Variants in AMPH observed in about 807,000 individuals in gnomAD.
AMPH encodes amphiphysin (Stiff-Mann syndrome with breast cancer 128kD autoantigen).
AMPH carries 49 observed loss-of-function variants against 99.1 expected under a neutral mutation model. The observed-to-expected ratio is 0.49, with a 90% confidence interval of 0.39 to 0.63. The LOEUF (loss-of-function observed/expected upper bound fraction) is 0.63, where lower values mean the gene tolerates loss of function less well. Ranked by LOEUF, AMPH falls within the 20% of genes least tolerant of loss-of-function variation. The pLI is 0.00. For synonymous variants in AMPH, 314 were observed against 317.3 expected, an observed-to-expected ratio of 0.99 and a Z score of 0.11; for missense variants, 759 against 863.4, an observed-to-expected ratio of 0.88 and a Z score of 1.52.
At chr7:38,474,625 G>A (rs932343297) in intron 7 of AMPH, among the ~76,000 whole-genome samples, 3 of 152,110 alleles carry the variant, frequency 2.0e-5, no homozygotes, top group South Asian at 2.1e-4. Flanking sequence ...TTAAAATAAC[G>A]TGGCATTATT....
intron 3 of AMPH, among the ~76,000 whole-genome samples, chr7:38,498,109 T>A (rs1000770967): frequency 2.2e-4 from 33 of 152,134 alleles, no homozygotes; most frequent in Admixed American, 2.1e-3. Flanking sequence ...CTGCTTCAAC[T>A]CCTTTTCTCA....
rs112640711 is a variant in AMPH at position 38,613,755 on chromosome 7, C to T, written c.69+17528G>A. Among the ~76,000 whole-genome samples, 156 of 149,790 alleles carry T rather than the reference C, an allele frequency of 1.0e-3. 2 individuals are homozygous for T. The highest frequency in any genetic ancestry group is 3.7e-3 in the African/African-American group (152 of 40,542). The stretch of plus-strand genomic sequence containing the variant: ...TTCACAAAAAAATGGCAATTTCAAA[C>T]GGTTCAAAGTAAACCTTAGGACAGA... On this transcript the variant is annotated intron_variant, in intron 1 of 20. Coordinates refer to ENST00000356264, the MANE Select transcript of AMPH (RefSeq NM_001635.4).
At chr7:38,407,911 G>A (rs1785098279) in intron 17 of AMPH, among the ~76,000 whole-genome samples, 1 of 152,076 alleles carries the variant, frequency 6.6e-6, no homozygotes, top group Non-Finnish European at 1.5e-5. Flanking sequence ...TGACAGTTTT[G>A]ATATATGCAC....
At chr7:38,523,619 G>T (rs948998286) in intron 2 of AMPH, among the ~76,000 whole-genome samples, 18 of 152,220 alleles carry the variant, frequency 1.2e-4, no homozygotes, top group Admixed American at 3.3e-4. Context: ...AGTACATGCT[G>T]ATATAATTAA....
At position 38,429,936 on chromosome 7, in the gene AMPH, T is replaced by G. The variant is rs78058422; in HGVS notation, c.1159-71A>C. 1,111 of 1,406,222 alleles carry G rather than the reference T, an allele frequency of 7.9e-4. 4 individuals carry two copies. The African/African-American group carries it at 0.014, about 17-fold the overall frequency. The allele number at this position is 1,406,222 out of a possible 1,614,324, so 87.1% of individuals were successfully genotyped here. On this transcript the variant is annotated intron_variant, in intron 13 of 20. Transcript: ENST00000356264. Reference sequence around the variant, plus strand: ...TCACTAACACAATAAAATCCTATGCTGTCTAGAGTCAACATTCTGCTGAAG... The same window carrying G: ...TCACTAACACAATAAAATCCTATGCGGTCTAGAGTCAACATTCTGCTGAAG...
chr7:38,600,844 G>T (rs1243841409), intron 1 of AMPH, among the ~76,000 whole-genome samples: 2 of 152,138 alleles, frequency 1.3e-5, no homozygotes, highest in East Asian at 1.9e-4. Flanking sequence ...TTGTTATAAG[G>T]TAATTTGCAT....
chr7:38,484,394 T>A (rs903231729), intron 5 of AMPH, among the ~76,000 whole-genome samples: 3 of 152,124 alleles, frequency 2.0e-5, no homozygotes, highest in African/African-American at 7.2e-5. Context: ...AGGGAATCTC[T>A]GTAATACTAT....
chr7:38,475,497 A>C, intron 6 of AMPH, 81 bp from the exon 7 acceptor site: 2 of 906,614 alleles, frequency 2.2e-6, no homozygotes, highest in African/African-American at 1.7e-5. Context: ...TAAAATAAGA[A>C]TAGTCTTATG....
intron 5 of AMPH, among the ~76,000 whole-genome samples, chr7:38,486,553 T>C (rs778691476): frequency 2.6e-5 from 4 of 151,978 alleles, no homozygotes; most frequent in Non-Finnish European, 5.9e-5. Flanking sequence ...TCCAAAAAGA[T>C]TGCAGGGGAG....
chr7:38,394,609 TA>T (rs1784612246), intron 17 of AMPH, among the ~76,000 whole-genome samples: 2 of 152,304 alleles, frequency 1.3e-5, no homozygotes, highest in Non-Finnish European at 2.9e-5. Context: ...CTCGGGACCT[TA>T]AACTTACCAT....
Position 38,422,445 on chromosome 7 carries a change from T to G in AMPH, c.1248A>C (p.Thr416=). The stretch of plus-strand genomic sequence containing the variant: ...CCAAGTTGCAGATCATACTCTGGTC[T>G]GTCTGCATTGTGAATAATGAAGTAT... ...PQDTSLFTMQ[T]DQSMICNLAE... is the part of the protein sequence containing the mutation. The change falls in exon 16 of 21, where the codon ACA becomes ACC. Residue 416 remains threonine, a synonymous_variant. Transcript: ENST00000356264. 6.2e-7 allele frequency: 1 copy of G among 1,613,746 alleles called. No homozygotes were observed. Among genetic ancestry groups the G allele is most frequent in the South Asian group, 1.1e-5 (1 of 91,042 alleles).
intron 15 of AMPH, among the ~76,000 whole-genome samples, chr7:38,424,620 G>A (rs1785716420): frequency 6.6e-6 from 1 of 151,224 alleles, no homozygotes; most frequent in African/African-American, 2.4e-5. Flanking sequence ...AAAAAGAGAA[G>A]TGTTATGGAA....
At chr7:38,491,942 C>T (rs764282246) in intron 4 of AMPH, among the ~76,000 whole-genome samples, 28 of 152,166 alleles carry the variant, frequency 1.8e-4, no homozygotes, top group Non-Finnish European at 3.7e-4. Context: ...GGAACTAGAC[C>T]TCCCTGAATT....
Position 38,389,830 on chromosome 7 carries a change from C to T in AMPH, c.1954G>A (p.Val652Ile), listed in dbSNP as rs1784440578. 1.2e-6 allele frequency: 2 copies of T among 1,613,880 alleles called. No homozygotes were observed. The highest frequency in any genetic ancestry group is 2.2e-5 in the South Asian group (2 of 91,064). The change falls in exon 20 of 21, where the codon GTC becomes ATC. Residue 652 changes from valine to isoleucine, a missense_variant. By Grantham distance (29) the Val-to-Ile change is conservative (BLOSUM62 3). Transcript: ENST00000356264. The part of the protein sequence containing the change: ...TLQRGDVVLV[V>I]PSDSEADQDA... ...TGATCAGCTTCTGAATCTGAGGGGA[C>T]CACCAGCACCACATCACCCCTTTGT...
At chr7:38,477,141 C>G (rs1162102341) in intron 5 of AMPH, among the ~76,000 whole-genome samples, 172 bp from the exon 6 acceptor site, 1 of 151,974 alleles carries the variant, frequency 6.6e-6, no homozygotes, top group Non-Finnish European at 1.5e-5. Context: ...AGATGAACAC[C>G]TCCAATCCTT....
intron 1 of AMPH, among the ~76,000 whole-genome samples, chr7:38,571,551 T>C (rs1226007234): frequency 1.4e-5 from 2 of 141,284 alleles, no homozygotes; most frequent in Admixed American, 7.5e-5. Context: ...TATAAATATA[T>C]ATATTTATAC....
At chr7:38,529,509 C>A (rs1790314795) in intron 2 of AMPH, among the ~76,000 whole-genome samples, 1 of 152,328 alleles carries the variant, frequency 6.6e-6, no homozygotes, top group South Asian at 2.1e-4. Context: ...TGTACCATCA[C>A]CTTCCAGGTA....
intron 7 of AMPH, among the ~76,000 whole-genome samples, chr7:38,467,640 A>ATGTGTGTGTGTGTG (rs70977407): frequency 3.8e-4 from 56 of 148,846 alleles, no homozygotes; most frequent in Admixed American, 9.4e-4. Flanking sequence ...CAATGGAAAT[A>ATGTGTGTGTGTGTG]TGTGTGTGTG....
intron 19 of AMPH, among the ~76,000 whole-genome samples, chr7:38,390,991 GAGAGAGAGAGAGAGAGAGAGAGA>G (rs1562721033): frequency 1.7e-4 from 10 of 59,674 alleles, no homozygotes; most frequent in Non-Finnish European, 3.5e-4. Flanking sequence ...GAGAGAGAGA[GAGAGAGAGAGAGAGAGAGAGAGA>G]GAATGATACA....
Sources: gnomAD v4.1 joint callset for allele counts (sites outside exome capture counted in the v4.1 genomes callset) on GRCh38, gnomAD v4.1.1 for gene constraint, MANE v1.5 for transcripts, NCBI Gene and HGNC (gene_info 2026-07-23, HGNC 2026-07-21) for gene names.